Variants in ZNF804B observed in about 807,000 individuals in gnomAD.
ZNF804B encodes zinc finger protein 804B, also known as zinc finger 804B.
Under a neutral mutation model 101.4 loss-of-function variants are expected in ZNF804B, and 80 were observed. That is an observed-to-expected ratio of 0.79 (90% confidence interval 0.66 to 0.95). The LOEUF (loss-of-function observed/expected upper bound fraction) is 0.95. Among genes scored for constraint, ZNF804B ranks in the 40% least tolerant of loss-of-function variants. The pLI, the probability that ZNF804B is intolerant of heterozygous loss-of-function variation, is 0.00. For missense variants in ZNF804B, 1,673 were observed against 1,561.9 expected, an observed-to-expected ratio of 1.07 and a Z score of -1.20; for synonymous variants, 622 against 558.8, an observed-to-expected ratio of 1.11 and a Z score of -1.59.
At chr7:88,784,523 C>T (rs1340110041) in intron 1 of ZNF804B, among the ~76,000 whole-genome samples, 1 of 152,148 alleles carries the variant, frequency 6.6e-6, no homozygotes, top group Non-Finnish European at 1.5e-5. Flanking sequence ...GAACCAACCT[C>T]ACTGGAAACC....
At chr7:89,179,513 A>G (rs947331221) in intron 1 of ZNF804B, among the ~76,000 whole-genome samples, 1 of 152,154 alleles carries the variant, frequency 6.6e-6, no homozygotes, top group African/African-American at 2.4e-5. Flanking sequence ...CTTTCTGTTA[A>G]ATTTATCTCA....
At chr7:89,002,265 T>G (rs560727628) in intron 1 of ZNF804B, among the ~76,000 whole-genome samples, 1 of 151,880 alleles carries the variant, frequency 6.6e-6, no homozygotes, top group Admixed American at 6.6e-5. Context: ...TTGCATTTAG[T>G]GCTTAATTTA....
intron 1 of ZNF804B, among the ~76,000 whole-genome samples, chr7:88,838,268 TA>T (rs72165418): frequency 0.065 from 9,858 of 151,890 alleles, 963 homozygotes; most frequent in African/African-American, 0.21. Flanking sequence ...TCCTTATAGA[TA>T]ATGGAAAAAT....
At chr7:88,775,191 C>T (rs778245818) in intron 1 of ZNF804B, among the ~76,000 whole-genome samples, 7 of 152,156 alleles carry the variant, frequency 4.6e-5, no homozygotes, top group Middle Eastern at 3.4e-3. Flanking sequence ...ACAGGGTGAC[C>T]CTACCTAGTC....
intron 1 of ZNF804B, among the ~76,000 whole-genome samples, chr7:89,033,055 G>A (rs74636707): frequency 9.0e-4 from 133 of 147,892 alleles, no homozygotes; most frequent in African/African-American, 2.8e-3. Context: ...AAAAAAAACC[G>A]TATCCCTCCT....
At chr7:88,833,037 G>A (rs1299745214) in intron 1 of ZNF804B, among the ~76,000 whole-genome samples, 3 of 151,762 alleles carry the variant, frequency 2.0e-5, no homozygotes, top group Non-Finnish European at 4.4e-5. Flanking sequence ...GCTAAAATCT[G>A]ATTGTTTTTA....
intron 1 of ZNF804B, among the ~76,000 whole-genome samples, chr7:89,207,585 T>C (rs1247200322): frequency 6.6e-6 from 1 of 152,202 alleles, no homozygotes; most frequent in Non-Finnish European, 1.5e-5. Context: ...TAGTATATTG[T>C]AGTTGATGAA....
chr7:89,337,080 C>T lies in ZNF804B; in HGVS notation c.*48C>T, dbSNP rs1206918081. The T allele has an allele frequency of 4.6e-6, 7 of 1,510,828 alleles. No homozygotes were observed. Among genetic ancestry groups the T allele is most frequent in the Non-Finnish European group, 6.2e-6 (7 of 1,121,058 alleles). 93.6% of individuals were successfully genotyped at this position (1,510,828 alleles called of 1,614,324 possible). ...GGATAATTTTTTTAATTGTCACTAC[C>T]TATAAAATCATACATTTAAAGAAGT... On this transcript the variant is annotated 3_prime_UTR_variant, in exon 4 of 4. Coordinates refer to ENST00000333190, the MANE Select transcript of ZNF804B (RefSeq NM_181646.5).
chr7:89,280,345 A>C (rs556893369), intron 2 of ZNF804B, among the ~76,000 whole-genome samples: 169 of 152,092 alleles, frequency 1.1e-3, no homozygotes, highest in African/African-American at 3.8e-3. Context: ...CACAATTAAA[A>C]GAACTAGAAA....
chr7:89,322,968 G>A (rs1705954332), intron 2 of ZNF804B, among the ~76,000 whole-genome samples: 1 of 152,158 alleles, frequency 6.6e-6, no homozygotes, highest in Non-Finnish European at 1.5e-5. Flanking sequence ...ATAAGTTTAT[G>A]TTCCCTCAAA....
chr7:89,013,709 C>T (rs1330097024), intron 1 of ZNF804B, among the ~76,000 whole-genome samples: 3 of 152,100 alleles, frequency 2.0e-5, no homozygotes, highest in East Asian at 1.9e-4. Context: ...ACCGTTAGAA[C>T]GTAGTTCTCC....
rs928179356 is a variant in ZNF804B, at chr7:89,082,777, C to A, written c.109-135378C>A. ...TCATTTGCATGGTACCCAGGGAATCCCACACTATTCAATGGAAGACATGTG... is the reference window on the plus strand; with the variant it reads ...TCATTTGCATGGTACCCAGGGAATCACACACTATTCAATGGAAGACATGTG... On this transcript the variant is annotated intron_variant, in intron 1 of 3. Coordinates refer to ENST00000333190, the MANE Select transcript of ZNF804B (RefSeq NM_181646.5). Among the ~76,000 whole-genome samples the A allele has an allele frequency of 3.3e-5, 5 of 151,730 alleles. No individual in the cohort carries two copies. The South Asian group carries it at 6.2e-4, about 19-fold the overall frequency.
chr7:89,183,903 T>A lies in ZNF804B; in HGVS notation c.109-34252T>A, dbSNP rs1331449046. The stretch of plus-strand genomic sequence containing the variant: ...CAGAAATGACAAGCGCTGGAAAATC[T>A]TTTTGTGGGTCCTTAATTTCAGTCT... On this transcript the variant is annotated intron_variant, in intron 1 of 3. Coordinates refer to ENST00000333190, the MANE Select transcript of ZNF804B (RefSeq NM_181646.5). Among the ~76,000 whole-genome samples the A allele has an allele frequency of 9.9e-5, 15 of 152,254 alleles. No individual in the cohort carries two copies. The East Asian group carries it at 2.9e-3, about 29-fold the overall frequency.
At chr7:88,970,418 T>A (rs143206027) in intron 1 of ZNF804B, among the ~76,000 whole-genome samples, 367 of 150,078 alleles carry the variant, frequency 2.4e-3, no homozygotes, top group African/African-American at 8.0e-3. Context: ...CAAATGACAC[T>A]GAAAAATAAA....
chr7:88,861,618 C>T (rs1225976315), intron 1 of ZNF804B, among the ~76,000 whole-genome samples: 2 of 152,138 alleles, frequency 1.3e-5, no homozygotes, highest in African/African-American at 4.8e-5. Flanking sequence ...GTTCCTAAAA[C>T]CTTTGATACC....
intron 1 of ZNF804B, among the ~76,000 whole-genome samples, chr7:88,963,443 C>T (rs1793415643): frequency 6.6e-6 from 1 of 151,254 alleles, no homozygotes; most frequent in African/African-American, 2.4e-5. Flanking sequence ...ACAGATGGTG[C>T]TAGGAAACAT....
chr7:88,854,292 C>T (rs1791495465), intron 1 of ZNF804B, among the ~76,000 whole-genome samples: 1 of 152,058 alleles, frequency 6.6e-6, no homozygotes, highest in Admixed American at 6.6e-5. Context: ...TGGCTAATTT[C>T]ACACACACAG....
chr7:89,191,254 G>A (rs1011943316), intron 1 of ZNF804B, among the ~76,000 whole-genome samples: 1 of 151,986 alleles, frequency 6.6e-6, no homozygotes, highest in African/African-American at 2.4e-5. Context: ...ATATATTTAA[G>A]AAAAGTAAAT....
At chr7:89,059,620 T>C (rs535708760) in intron 1 of ZNF804B, among the ~76,000 whole-genome samples, 106 of 152,286 alleles carry the variant, frequency 7.0e-4, no homozygotes, top group Non-Finnish European at 4.4e-4. Context: ...ACATGAGATT[T>C]AGAAGGGGCA....
Sources: allele counts gnomAD v4.1 joint callset (sites outside exome capture counted in the v4.1 genomes callset), GRCh38; gene constraint gnomAD v4.1.1; transcripts MANE v1.5; gene names NCBI Gene and HGNC (gene_info 2026-07-23, HGNC 2026-07-21).